The following GLDC variants were observed in gnomAD, a reference collection of about 807,000 sequenced individuals.
The protein encoded by GLDC is glycine decarboxylase, also known as glycine dehydrogenase (decarboxylating), mitochondrial.
In GLDC, 104 loss-of-function variants were observed where a neutral mutation model predicts 121.3. That is an observed-to-expected ratio of 0.86 (90% CI 0.73 to 1.01). The LOEUF is 1.01. GLDC is among the 50% of genes least tolerant of loss of function. The pLI, the probability that GLDC is intolerant of heterozygous loss-of-function variation, is 0.00. For synonymous variants in GLDC, 546 were observed against 480.6 expected, an observed-to-expected ratio of 1.14 and a Z score of -1.78; for missense variants, 1,429 against 1,306.6, an observed-to-expected ratio of 1.09 and a Z score of -1.44.
intron 3 of GLDC, among the ~76,000 whole-genome samples, chr9:6,612,766 G>A (rs1039337973): frequency 3.3e-5 from 5 of 152,186 alleles, no homozygotes; most frequent in African/African-American, 1.2e-4. Context: ...GGAGGCTGAG[G>A]CAGAAGAATC....
intron 9 of GLDC, among the ~76,000 whole-genome samples, 192 bp downstream of exon 9, chr9:6,594,822 A>T (rs1818458685): frequency 6.6e-6 from 1 of 152,108 alleles, no homozygotes; most frequent in Admixed American, 6.5e-5. Context: ...AAAGAAAGAA[A>T]GAAAGAAAGA....
At chr9:6,605,692 C>A (rs1275159072) in intron 5 of GLDC, among the ~76,000 whole-genome samples, 1 of 152,090 alleles carries the variant, frequency 6.6e-6, no homozygotes, top group Admixed American at 6.6e-5. Context: ...ACTAATAATG[C>A]CAATTATATG....
rs370112619 is a variant in GLDC, at chr9:6,582,656, T to C, written c.1850+4485A>G. ...CATCCTGGCTAACACGGTGAAACCC[T>C]GTCTCTACTAAAAATACAAAAAATT... is the stretch of plus-strand genomic sequence containing the variant. On this transcript the variant is annotated intron_variant, in intron 15 of 24. Transcript: ENST00000321612. Among the ~76,000 whole-genome samples the C allele has an allele frequency of 4.0e-3, 608 of 151,908 alleles. 8 individuals are homozygous for C. Among genetic ancestry groups the C allele is most frequent in the African/African-American group, 0.014 (580 of 41,424 alleles).
chr9:6,639,367 A>G, intron 2 of GLDC: 2 of 930,504 alleles, frequency 2.1e-6, no homozygotes, highest in Non-Finnish European at 3.5e-6. Context: ...CCACTATGCT[A>G]TCATCAAGTT....
intron 2 of GLDC, among the ~76,000 whole-genome samples, chr9:6,641,577 T>C (rs949058938): frequency 6.6e-6 from 1 of 152,232 alleles, no homozygotes; most frequent in Non-Finnish European, 1.5e-5. Context: ...AGCTATGACC[T>C]TGGGCAAGTC....
At chr9:6,567,776 AATT>A (rs977431807) in intron 15 of GLDC, among the ~76,000 whole-genome samples, 3 of 152,318 alleles carry the variant, frequency 2.0e-5, no homozygotes, top group Admixed American at 1.3e-4. Context: ...GGACATAGAA[AATT>A]ATTACCGATT....
chr9:6,553,380 C>T lies in GLDC; in HGVS notation c.2445G>A (p.Trp815Ter), dbSNP rs2129714616. 6.2e-7 allele frequency: 1 copy of T among 1,614,082 alleles called. No homozygotes were observed. The highest frequency in any genetic ancestry group is 8.5e-7 in the Non-Finnish European group (1 of 1,180,000). The change falls in exon 20 of 25, where the codon TGG becomes TGA. Residue 815 changes from tryptophan to a stop codon, truncating the protein, a stop_gained. Coordinates refer to ENST00000321612, the MANE Select transcript of GLDC (RefSeq NM_000170.3). LOFTEE classifies it high-confidence loss of function. ...WGSSSILPIS[W>*]AYIKMMGGKG... ...TCCCAGGCCTCACCTTGATATAAGC[C>T]CAGGAAATGGGCAAGATGGAACTGG...
intron 5 of GLDC, among the ~76,000 whole-genome samples, 167 bp downstream of exon 5, chr9:6,606,425 C>G (rs1434595514): frequency 6.6e-6 from 1 of 151,928 alleles, no homozygotes; most frequent in Non-Finnish European, 1.5e-5. Context: ...CAGAGAGATG[C>G]CCAGAAGAAA....
At position 6,645,701 on chromosome 9, in the gene GLDC, C is replaced by G. The variant is rs768031397; in HGVS notation, c.-202G>C. Reference sequence around the variant, plus strand: ...AAGACACTCGCGCAAAGTTGTGGCTCCACCCAAGGCACCTGCTCCGCACAC... The same window carrying G: ...AAGACACTCGCGCAAAGTTGTGGCTGCACCCAAGGCACCTGCTCCGCACAC... On this transcript the variant is annotated 5_prime_UTR_variant, in exon 1 of 25. Transcript: ENST00000321612. 33 of 325,780 alleles carry G rather than the reference C, an allele frequency of 1.0e-4. No individual in the cohort carries two copies. The Admixed American group carries it at 1.5e-3, about 15-fold the overall frequency. The allele number at this position is 325,780 out of a possible 1,614,324, so 20.2% of individuals were successfully genotyped here.
At chr9:6,568,523 T>C (rs1817893214) in intron 15 of GLDC, among the ~76,000 whole-genome samples, 1 of 152,156 alleles carries the variant, frequency 6.6e-6, no homozygotes, top group Admixed American at 6.5e-5. Context: ...ACCAAGTTTA[T>C]GTGAGCACAG....
Position 6,565,400 on chromosome 9 carries a change from G to C in GLDC, c.1880C>G (p.Ala627Gly), listed in dbSNP as rs911303131. 3.1e-6 allele frequency: 5 copies of C among 1,613,700 alleles called. No homozygotes were observed. The highest frequency in any genetic ancestry group is 4.2e-6 in the Non-Finnish European group (5 of 1,179,628). Residue 627 changes from alanine (A) to glycine (G), a missense_variant, in exon 16 of 25, where the codon GCC becomes GGC. Ala to Gly is a moderately conservative substitution (Grantham distance 60, BLOSUM62 0). Transcript: ENST00000321612. ...SGAQGEYAGL[A>G]TIRAYLNQKG... is the part of the protein sequence containing the mutation. ...CTGGTTTAAGTAGGCTCGGATAGTGGCCAGTCCAGCATATTCTCCCTGGGC... is the reference window on the plus strand; with the variant it reads ...CTGGTTTAAGTAGGCTCGGATAGTGCCCAGTCCAGCATATTCTCCCTGGGC...
intron 3 of GLDC, among the ~76,000 whole-genome samples, chr9:6,619,193 C>G (rs1017765378): frequency 4.3e-5 from 6 of 139,544 alleles, no homozygotes; most frequent in African/African-American, 1.6e-4. Context: ...GTAGGAGTGA[C>G]TTATCTAACT....
chr9:6,556,216 C>CA lies in GLDC; in HGVS notation c.2138dup (p.Cys714ValfsTer2). ...CTCCATGTTGATGGATGAGGTCACACACGTCACTGATGTTCTCTTCAAACA... is the reference window on the plus strand; with the variant it reads ...CTCCATGTTGATGGATGAGGTCACACAACGTCACTGATGTTCTCTTCAAACA... On this transcript the variant is annotated frameshift_variant, in exon 18 of 25. Transcript: ENST00000321612. LOFTEE classifies it high-confidence loss of function. 6.2e-7 allele frequency: 1 copy of CA among 1,612,640 alleles called. No homozygotes were observed. Among genetic ancestry groups the CA allele is most frequent in the Non-Finnish European group, 8.5e-7 (1 of 1,178,640 alleles).
chr9:6,586,326 T>G (rs528059726), intron 15 of GLDC, among the ~76,000 whole-genome samples: 1 of 152,102 alleles, frequency 6.6e-6, no homozygotes, highest in South Asian at 2.1e-4. Context: ...AAAATAAAAA[T>G]AAAGAGTCTT....
intron 2 of GLDC, chr9:6,639,577 C>G: frequency 1.3e-6 from 1 of 752,130 alleles, no homozygotes; most frequent in East Asian, 2.5e-5. Context: ...GATTATGATG[C>G]TTTGGATGTT....
At chr9:6,534,235 C>A (rs534289987) in intron 24 of GLDC, 1 of 157,540 alleles carries the variant, frequency 6.3e-6, no homozygotes, top group Non-Finnish European at 1.4e-5. Context: ...TGTTTCCTCT[C>A]CTCTCCAATG....
chr9:6,555,725 G>C (rs1197470920), intron 18 of GLDC, among the ~76,000 whole-genome samples: 1 of 152,168 alleles, frequency 6.6e-6, no homozygotes, highest in Non-Finnish European at 1.5e-5. Flanking sequence ...CCAGGAGGTG[G>C]AGGTTGCAGT....
At chr9:6,602,346 C>G in intron 7 of GLDC, 141 bp from the exon 8 acceptor site, 1 of 675,912 alleles carries the variant, frequency 1.5e-6, no homozygotes, top group East Asian at 2.8e-5. Flanking sequence ...GAAACAATTT[C>G]TAAACGTTCC....
At chr9:6,642,346 A>G (rs1819646219) in intron 2 of GLDC, among the ~76,000 whole-genome samples, 1 of 152,122 alleles carries the variant, frequency 6.6e-6, no homozygotes, top group Admixed American at 6.5e-5. Context: ...CCTGGCCAAC[A>G]TGGAGAAACC....
Sources: gnomAD v4.1 joint callset for allele counts (sites outside exome capture counted in the v4.1 genomes callset) on GRCh38, gnomAD v4.1.1 for gene constraint, MANE v1.5 for transcripts, NCBI Gene and HGNC (gene_info 2026-07-23, HGNC 2026-07-21) for gene names.